SSBP3: variants seen among roughly 807,000 people sequenced by gnomAD.
SSBP3 encodes the protein single stranded DNA binding protein 3, also known as single-stranded DNA-binding protein 3.
Under a neutral mutation model 69.6 loss-of-function variants are expected in SSBP3, and 5 were observed. The ratio of observed to expected loss-of-function variants is 0.07; its 90% CI spans 0.04 to 0.15. SSBP3 has a LOEUF of 0.15. Ranked by LOEUF, SSBP3 falls within the 10% of genes least tolerant of loss-of-function variation. SSBP3 has a pLI of 1.00. For synonymous variants in SSBP3, 196 were observed against 193.4 expected (o/e 1.01, Z -0.11); for missense variants, 312 against 534.0 (o/e 0.58, Z 4.10).
chr1:54,406,851 C>T (rs568543625), upstream of SSBP3, among the ~76,000 whole-genome samples: 2 of 151,946 alleles, frequency 1.3e-5, no homozygotes, highest in Admixed American at 6.5e-5. Flanking sequence ...CAGCTCCCCC[C>T]CGCCGCGGCC....
chr1:54,313,543 T>G (rs1646044066), intron 4 of SSBP3, among the ~76,000 whole-genome samples: 1 of 142,894 alleles, frequency 7.0e-6, no homozygotes, highest in African/African-American at 2.6e-5. Context: ...CACCTCAGCC[T>G]CCCGAGTAGC....
chr1:54,232,645 C>T (rs568654530), intron 14 of SSBP3, among the ~76,000 whole-genome samples: 15 of 152,148 alleles, frequency 9.9e-5, no homozygotes, highest in Middle Eastern at 3.4e-3. Context: ...CATGCGGAGC[C>T]GAAGCTGGAC....
chr1:54,358,329 T>C (rs928397612), intron 4 of SSBP3, among the ~76,000 whole-genome samples: 1 of 152,190 alleles, frequency 6.6e-6, no homozygotes, highest in Non-Finnish European at 1.5e-5. Context: ...CGGTGGACTC[T>C]TGGGGGCTTA....
chr1:54,238,109 C>T (rs1272143548), intron 14 of SSBP3: 1 of 469,286 alleles, frequency 2.1e-6, no homozygotes, highest in Non-Finnish European at 4.4e-6. Context: ...GTTGGTCACA[C>T]CAGTGAGGAC....
At chr1:54,405,167 G>C (rs963786494) in intron 1 of SSBP3, among the ~76,000 whole-genome samples, 1 of 152,172 alleles carries the variant, frequency 6.6e-6, no homozygotes, top group Non-Finnish European at 1.5e-5. Flanking sequence ...CCCCAAACTT[G>C]AACTTCCAAG....
chr1:54,340,863 CCCA>C (rs1207220726), intron 4 of SSBP3, among the ~76,000 whole-genome samples: 1 of 152,194 alleles, frequency 6.6e-6, no homozygotes, highest in African/African-American at 2.4e-5. Context: ...GCAGAAGGTC[CCCA>C]CCAGAGCCAA....
At chr1:54,303,022 T>C (rs529920985) in intron 4 of SSBP3, among the ~76,000 whole-genome samples, 1 of 152,260 alleles carries the variant, frequency 6.6e-6, no homozygotes, top group South Asian at 2.1e-4. Flanking sequence ...GTGAAACAAT[T>C]AGTGAACAAG....
chr1:54,377,974 T>C lies in SSBP3; in HGVS notation c.276+23887A>G, dbSNP rs140907874. 1.4e-4 allele frequency among the ~76,000 whole-genome samples: 21 copies of C among 152,294 alleles called. No individual in the cohort carries two copies. In the East Asian group the frequency reaches 3.1e-3, roughly 22 times the overall value. On this transcript the variant is annotated intron_variant, in intron 4 of 17. Transcript: ENST00000610401. The stretch of plus-strand genomic sequence containing the variant: ...TAAGGAAAAATACTTCCAGCAATAA[T>C]GAAGCCGTGCCGATTCACCACAATT...
chr1:54,401,502 G>A (rs1009945366), intron 4 of SSBP3, among the ~76,000 whole-genome samples: 5 of 152,086 alleles, frequency 3.3e-5, no homozygotes, highest in African/African-American at 1.2e-4. Context: ...ATTGGCTTTT[G>A]TTTGTTACAA....
exon 1 of SSBP3, chr1:54,413,367 C>T (rs1388311196): frequency 6.6e-6 from 1 of 152,252 alleles, no homozygotes; most frequent in Admixed American, 6.5e-5. Flanking sequence ...GGTCTGCAGT[C>T]AACTGGGCAG....
chr1:54,257,536 G>A (rs1367634007), intron 6 of SSBP3, among the ~76,000 whole-genome samples: 2 of 152,148 alleles, frequency 1.3e-5, no homozygotes, highest in African/African-American at 4.8e-5. Context: ...AAGAAGGACT[G>A]ATACGTAACA....
rs191990023 is a variant in SSBP3 at position 54,399,586 on chromosome 1, A to T, written c.276+2275T>A. Among the ~76,000 whole-genome samples, 37 of 152,290 alleles carry T rather than the reference A, an allele frequency of 2.4e-4. 1 individual carries two copies. In the East Asian group the frequency reaches 6.4e-3, roughly 26 times the overall value. ...ATCACAGAATGCAGAAAACTATCTC[A>T]TAAGTCCTCCAAGAAGGAGGTCTTA... is the stretch of plus-strand genomic sequence containing the variant. On this transcript the variant is annotated intron_variant, in intron 4 of 17. Coordinates refer to ENST00000610401, the Ensembl canonical transcript of SSBP3.
chr1:54,280,672 TC>T (rs1414766724), intron 5 of SSBP3, among the ~76,000 whole-genome samples: 2 of 151,876 alleles, frequency 1.3e-5, no homozygotes, highest in Non-Finnish European at 2.9e-5. Flanking sequence ...TTCCCCAGTC[TC>T]AAGTTGGCTT....
Position 54,312,583 on chromosome 1 carries a change from A to T in SSBP3, c.277-31056T>A, listed in dbSNP as rs115362660. On this transcript the variant is annotated intron_variant, in intron 4 of 17. Transcript: ENST00000610401. ...AAAAAAAAAAAATTTGCAGGATTACATAGAGGACCAGAGAACATGTCCTGT... is the reference window on the plus strand; with the variant it reads ...AAAAAAAAAAAATTTGCAGGATTACTTAGAGGACCAGAGAACATGTCCTGT... Among the ~76,000 whole-genome samples, 1,073 of 152,218 alleles carry T rather than the reference A, an allele frequency of 7.0e-3. 15 individuals are homozygous for T. Among genetic ancestry groups the T allele is most frequent in the African/African-American group, 0.024 (1,015 of 41,536 alleles).
chr1:54,357,626 G>A (rs6681813), intron 4 of SSBP3, among the ~76,000 whole-genome samples: 22,207 of 152,202 alleles, frequency 0.15, 1,818 homozygotes, highest in African/African-American at 0.23. Context: ...CCTAAGCTGC[G>A]CACAGCAGTG....
intron 4 of SSBP3, among the ~76,000 whole-genome samples, chr1:54,300,345 T>C (rs535391689): frequency 1.3e-3 from 193 of 152,228 alleles, no homozygotes; most frequent in African/African-American, 4.4e-3. Context: ...ACGAGATGCA[T>C]GCTTGGGCCT....
chr1:54,276,103 G>C (rs1645279042), intron 5 of SSBP3, among the ~76,000 whole-genome samples: 1 of 152,152 alleles, frequency 6.6e-6, no homozygotes, highest in African/African-American at 2.4e-5. Flanking sequence ...ACGGAAAGGG[G>C]ATGTGTCAAA....
At chr1:54,293,697 C>T (rs1645648314) in intron 4 of SSBP3, among the ~76,000 whole-genome samples, 1 of 152,240 alleles carries the variant, frequency 6.6e-6, no homozygotes, top group Non-Finnish European at 1.5e-5. Flanking sequence ...ATGTGTTTCT[C>T]AGCACAGTGT....
At chr1:54,278,723 C>G (rs985555850) in intron 5 of SSBP3, among the ~76,000 whole-genome samples, 1 of 152,244 alleles carries the variant, frequency 6.6e-6, no homozygotes, top group African/African-American at 2.4e-5. Flanking sequence ...ATAGCTGGCT[C>G]AGCCATCCCA....
Sources: gnomAD v4.1 joint callset for allele counts (sites outside exome capture counted in the v4.1 genomes callset) on GRCh38, gnomAD v4.1.1 for gene constraint, MANE v1.5 for transcripts, NCBI Gene and HGNC (gene_info 2026-07-23, HGNC 2026-07-21) for gene names.